Variants in PDE11A observed in about 807,000 individuals in gnomAD.
PDE11A encodes phosphodiesterase 11A.
In PDE11A, 100 loss-of-function variants were observed where a neutral mutation model predicts 100.5. The ratio of observed to expected loss-of-function variants is 1.00; its 90% CI spans 0.85 to 1.18. PDE11A has a LOEUF of 1.18. PDE11A is among the 50% of genes most tolerant of loss of function. PDE11A has a pLI of 0.00. For missense variants in PDE11A, 1,141 were observed against 1,152.6 expected (o/e 0.99, Z 0.15); for synonymous variants, 381 against 420.8 (o/e 0.91, Z 1.16).
chr2:178,100,602 T>C (rs1417123365), intron 2 of PDE11A, among the ~76,000 whole-genome samples: 3 of 152,220 alleles, frequency 2.0e-5, no homozygotes, highest in Non-Finnish European at 4.4e-5. Flanking sequence ...AAGCTACTTA[T>C]TGTTCTTATC....
At chr2:177,991,496 G>A (rs1387802126) in intron 2 of PDE11A, among the ~76,000 whole-genome samples, 6 of 150,316 alleles carry the variant, frequency 4.0e-5, no homozygotes, top group African/African-American at 1.2e-4. Flanking sequence ...TTAGCCAGGC[G>A]TGGTGGCAGG....
At chr2:178,004,784 C>G (rs2086185314) in intron 2 of PDE11A, among the ~76,000 whole-genome samples, 1 of 152,120 alleles carries the variant, frequency 6.6e-6, no homozygotes, top group Non-Finnish European at 1.5e-5. Flanking sequence ...AACTTTTCCT[C>G]CTAGATGTGC....
At chr2:177,886,702 G>C (rs771913511) in intron 4 of PDE11A, among the ~76,000 whole-genome samples, 2 of 152,046 alleles carry the variant, frequency 1.3e-5, no homozygotes, top group Non-Finnish European at 2.9e-5. Context: ...ATACTGTTTT[G>C]TTTTCTAATT....
At chr2:177,952,348 T>C (rs1426140902) in intron 2 of PDE11A, among the ~76,000 whole-genome samples, 1 of 152,192 alleles carries the variant, frequency 6.6e-6, no homozygotes, top group Non-Finnish European at 1.5e-5. Flanking sequence ...CTTCCCTCAT[T>C]GCATACAGTT....
At chr2:177,793,545 A>G (rs1414618384) in intron 9 of PDE11A, among the ~76,000 whole-genome samples, 1 of 139,038 alleles carries the variant, frequency 7.2e-6, no homozygotes, top group East Asian at 1.9e-4. Flanking sequence ...TGCAAAAAAA[A>G]AAAAAAAAAA....
chr2:177,696,527 T>C (rs1003337074), intron 15 of PDE11A, among the ~76,000 whole-genome samples: 1 of 152,092 alleles, frequency 6.6e-6, no homozygotes, highest in African/African-American at 2.4e-5. Context: ...AGGAAAGAAA[T>C]GTCTCTGGTG....
chr2:177,743,637 A>G (rs1178553708), intron 10 of PDE11A, among the ~76,000 whole-genome samples: 1 of 152,232 alleles, frequency 6.6e-6, no homozygotes, highest in Non-Finnish European at 1.5e-5. Context: ...AGCATTTTTT[A>G]AGTGGCTACC....
At chr2:177,775,642 CTCATTTTTGT>C (rs925835030) in intron 9 of PDE11A, among the ~76,000 whole-genome samples, 6 of 152,170 alleles carry the variant, frequency 3.9e-5, no homozygotes, top group South Asian at 2.1e-4. Context: ...CTTGGCCACA[CTCATTTTTGT>C]TCATTTTTGT....
At chr2:177,718,845 C>A (rs2105436099) in intron 12 of PDE11A, among the ~76,000 whole-genome samples, 1 of 152,282 alleles carries the variant, frequency 6.6e-6, no homozygotes, top group Non-Finnish European at 1.5e-5. Context: ...CTTCATCAAA[C>A]TGTCCCAGCT....
rs74666005 is a variant in PDE11A at position 177,711,836 on chromosome 2, C to T, written c.2086G>A (p.Ala696Thr). The change falls in exon 13 of 20, where the codon GCG becomes ACG. Residue 696 changes from alanine to threonine, a missense_variant. Physicochemically the swap from Ala to Thr is moderately conservative, Grantham distance 58 (BLOSUM62 0). Transcript: ENST00000286063. Reference protein sequence around the residue: ...QDILTEVEILAVIVGCLCHDL... With the variant: ...QDILTEVEILTVIVGCLCHDL... ...TGACACAGGCATCCCACAATCACCGCTAAAATTTCCACCTCGGTCAGAATG... is the reference window on the plus strand; with the variant it reads ...TGACACAGGCATCCCACAATCACCGTTAAAATTTCCACCTCGGTCAGAATG... 421 of 1,613,084 alleles carry T rather than the reference C, an allele frequency of 2.6e-4. No individual in the cohort carries two copies. Among genetic ancestry groups the T allele is most frequent in the Non-Finnish European group, 3.3e-4 (388 of 1,179,218 alleles).
intron 9 of PDE11A, among the ~76,000 whole-genome samples, chr2:177,782,767 CT>C (rs1168559963): frequency 1.3e-5 from 2 of 151,938 alleles, no homozygotes; most frequent in Admixed American, 1.3e-4. Context: ...CTCTTCCCTT[CT>C]TCCCTACTTC....
chr2:177,856,747 C>A (rs1325592100), intron 5 of PDE11A, among the ~76,000 whole-genome samples: 1 of 151,808 alleles, frequency 6.6e-6, no homozygotes, highest in African/African-American at 2.4e-5. Context: ...AACATCTAGT[C>A]TGAGGAACAG....
At chr2:177,788,161 A>G (rs1378994310) in intron 9 of PDE11A, among the ~76,000 whole-genome samples, 1 of 151,984 alleles carries the variant, frequency 6.6e-6, no homozygotes, top group Non-Finnish European at 1.5e-5. Flanking sequence ...CAGCAAATGT[A>G]AAAGAACAGA....
At chr2:177,866,720 C>T (rs770374071) in intron 5 of PDE11A, among the ~76,000 whole-genome samples, 94 of 152,164 alleles carry the variant, frequency 6.2e-4, no homozygotes, top group Non-Finnish European at 1.2e-3. Context: ...GTATAAAAGA[C>T]TTACATAAAC....
intron 2 of PDE11A, among the ~76,000 whole-genome samples, chr2:177,967,049 A>G (rs2085706997): frequency 6.6e-6 from 1 of 152,056 alleles, no homozygotes; most frequent in East Asian, 1.9e-4. Flanking sequence ...CAGTCTGTTC[A>G]TGGTTTCAAT....
At chr2:177,732,202 A>G (rs1047318493) in intron 10 of PDE11A, among the ~76,000 whole-genome samples, 7 of 152,126 alleles carry the variant, frequency 4.6e-5, no homozygotes, top group African/African-American at 1.4e-4. Context: ...GAACTCACTT[A>G]TTAGGCTGTA....
intron 5 of PDE11A, among the ~76,000 whole-genome samples, chr2:177,858,408 A>AC (rs1332455253): frequency 6.6e-6 from 1 of 152,094 alleles, no homozygotes; most frequent in Non-Finnish European, 1.5e-5. Context: ...CAAGAAAAAA[A>AC]AAAAACCACA....
chr2:177,905,467 G>C (rs79417912), intron 2 of PDE11A, among the ~76,000 whole-genome samples: 6,740 of 152,314 alleles, frequency 0.044, 217 homozygotes, highest in Middle Eastern at 0.11. Context: ...CATAGGAACT[G>C]TGTCTAAAGC....
intron 9 of PDE11A, among the ~76,000 whole-genome samples, chr2:177,786,635 T>C (rs527956785): frequency 6.6e-6 from 1 of 152,126 alleles, no homozygotes; most frequent in African/African-American, 2.4e-5. Context: ...AGTTAAAAAC[T>C]TTGAAAAAAA....
Sources: gnomAD v4.1 joint callset for allele counts (sites outside exome capture counted in the v4.1 genomes callset) on GRCh38, gnomAD v4.1.1 for gene constraint, MANE v1.5 for transcripts, NCBI Gene and HGNC (gene_info 2026-07-23, HGNC 2026-07-21) for gene names.